Variants in FIP1L1 observed in about 807,000 individuals in gnomAD.
FIP1L1 encodes pre-mRNA 3'-end-processing factor FIP1.
FIP1L1 carries 21 observed loss-of-function variants against 84.6 expected under a neutral mutation model. The observed-to-expected ratio is 0.25, with a 90% CI of 0.18 to 0.36. The LOEUF is 0.36. Ranked by LOEUF, FIP1L1 falls within the 10% of genes least tolerant of loss-of-function variation. The probability of loss-of-function intolerance (pLI) is 1.00; values close to 1 mark genes in which losing one functional copy is unlikely to be tolerated. For synonymous variants in FIP1L1, 263 were observed against 242.3 expected (o/e 1.09, Z -0.80); for missense variants, 526 against 751.1 (o/e 0.70, Z 3.50).
rs117624690 is a variant in FIP1L1, at chr4:53,416,170, A to G, written c.923+1448A>G. Among the ~76,000 whole-genome samples the G allele has an allele frequency of 2.6e-4, 39 of 152,328 alleles. No individual in the cohort carries two copies. In the East Asian group the frequency reaches 6.6e-3, roughly 26 times the overall value. ...TCATAATTGTACTAATACAACTTCT[A>G]TGTAACAACTAACTCAATTATTGCA... is the stretch of plus-strand genomic sequence containing the variant. On this transcript the variant is annotated intron_variant, in intron 11 of 17. Coordinates refer to ENST00000337488, the MANE Select transcript of FIP1L1 (RefSeq NM_030917.4).
chr4:53,378,461 TA>T (rs1735910177), intron 1 of FIP1L1: 1 of 152,430 alleles, frequency 6.6e-6, no homozygotes, highest in African/African-American at 2.4e-5. Context: ...GCTTTAAAAA[TA>T]ATTAATTAAG....
chr4:53,440,908 G>C, intron 13 of FIP1L1: 1 of 253,198 alleles, frequency 3.9e-6, no homozygotes, highest in Non-Finnish European at 7.6e-6. Flanking sequence ...TGTCTTTACA[G>C]ACCAATGAAT....
intron 10 of FIP1L1, among the ~76,000 whole-genome samples, chr4:53,408,461 C>T (rs1003761609): frequency 3.6e-4 from 55 of 152,146 alleles, no homozygotes; most frequent in Non-Finnish European, 2.1e-4. Flanking sequence ...GTGAATCTGA[C>T]GATTATGTGT....
At chr4:53,388,660 T>C (rs1048050358) in intron 5 of FIP1L1, among the ~76,000 whole-genome samples, 1 of 152,208 alleles carries the variant, frequency 6.6e-6, no homozygotes, top group African/African-American at 2.4e-5. Context: ...TTTTGTTCAG[T>C]GGGAGTTGGT....
At chr4:53,384,763 A>G (rs1740018117) in intron 5 of FIP1L1, among the ~76,000 whole-genome samples, 1 of 152,230 alleles carries the variant, frequency 6.6e-6, no homozygotes, top group South Asian at 2.1e-4. Flanking sequence ...TTTAGTTACG[A>G]TAGGAGAATA....
chr4:53,396,986 A>G (rs369537851), intron 9 of FIP1L1, among the ~76,000 whole-genome samples: 37 of 152,352 alleles, frequency 2.4e-4, no homozygotes, highest in African/African-American at 8.4e-4. Flanking sequence ...TATGAAAGGA[A>G]AATTTTGAAC....
At chr4:53,458,986 C>T (rs1720985174) in intron 17 of FIP1L1, among the ~76,000 whole-genome samples, 196 bp downstream of exon 17, 1 of 151,994 alleles carries the variant, frequency 6.6e-6, no homozygotes, top group Non-Finnish European at 1.5e-5. Flanking sequence ...AAAAATCAAC[C>T]CTATACAGTA....
intron 10 of FIP1L1, among the ~76,000 whole-genome samples, chr4:53,401,484 G>A (rs1356288108): frequency 6.6e-6 from 1 of 152,188 alleles, no homozygotes; most frequent in African/African-American, 2.4e-5. Context: ...GGCCAGTTAG[G>A]AGGTTGCAGC....
intron 10 of FIP1L1, among the ~76,000 whole-genome samples, chr4:53,407,438 T>C (rs1412358958): frequency 1.3e-5 from 2 of 152,206 alleles, no homozygotes; most frequent in Non-Finnish European, 2.9e-5. Context: ...ATCTATGTGG[T>C]CAGTTTTGGA....
At chr4:53,442,473 T>A in intron 13 of FIP1L1, 180 bp from the exon 14 acceptor site, 1 of 559,438 alleles carries the variant, frequency 1.8e-6, no homozygotes, top group Non-Finnish European at 3.2e-6. Flanking sequence ...TTACTTAAAG[T>A]TTTATTGCGC....
intron 10 of FIP1L1, among the ~76,000 whole-genome samples, chr4:53,411,876 AATAC>A (rs1386030722): frequency 2.0e-5 from 3 of 152,186 alleles, no homozygotes; most frequent in South Asian, 2.1e-4. Flanking sequence ...CTTTTTGTGA[AATAC>A]ATACATACAG....
chr4:53,399,714 AC>A lies in FIP1L1; in HGVS notation c.706-14del. 6.6e-7 allele frequency: 1 copy of A among 1,526,256 alleles called. No individual in the cohort carries two copies. Among genetic ancestry groups the A allele is most frequent in the Non-Finnish European group, 9.0e-7 (1 of 1,105,854 alleles). The allele number at this position is 1,526,256 out of a possible 1,614,324, so 94.5% of individuals were successfully genotyped here. A position where few individuals can be genotyped will look rare whatever the true frequency, so the allele number is the denominator to read the frequency against. ...TTCTGTTAAATTCAACAAGCTAATA[AC>A]CTTTTTTTTTTAAGGTACAGCAGGG... is the stretch of plus-strand genomic sequence containing the variant. On this transcript the variant is annotated splice_polypyrimidine_tract_variant and intron_variant, in intron 9 of 17. Transcript: ENST00000337488.
At chr4:53,383,568 C>T (rs189313408) in intron 4 of FIP1L1, among the ~76,000 whole-genome samples, 4 of 151,770 alleles carry the variant, frequency 2.6e-5, no homozygotes, top group East Asian at 1.9e-4. Flanking sequence ...AGGCTGAGGC[C>T]GGAGAATTGC....
chr4:53,393,764 G>GCCCCCCCCCCC (rs35029503), intron 9 of FIP1L1, among the ~76,000 whole-genome samples: 3 of 87,948 alleles, frequency 3.4e-5, no homozygotes, highest in Non-Finnish European at 4.5e-5. Context: ...TTTCCCCCCG[G>GCCCCCCCCCCC]CCCCCCCCCC....
chr4:53,446,742 C>T (rs1211965519), intron 15 of FIP1L1, among the ~76,000 whole-genome samples: 3 of 152,112 alleles, frequency 2.0e-5, no homozygotes, highest in Non-Finnish European at 4.4e-5. Context: ...TACAGATAAA[C>T]ATGAGGAATA....
intron 13 of FIP1L1, among the ~76,000 whole-genome samples, chr4:53,430,390 C>G (rs1374332661): frequency 6.8e-6 from 1 of 146,638 alleles, no homozygotes; most frequent in Non-Finnish European, 1.5e-5. Flanking sequence ...ACTCTTTCGC[C>G]CAGGCTGGAG....
intron 11 of FIP1L1, among the ~76,000 whole-genome samples, chr4:53,424,248 G>T (rs1336602151): frequency 6.6e-6 from 1 of 152,132 alleles, no homozygotes; most frequent in Non-Finnish European, 1.5e-5. Flanking sequence ...TAGGATGTTG[G>T]AATATGAAAT....
At position 53,399,820 on chromosome 4, in the gene FIP1L1, A is replaced by G; in HGVS notation, c.796A>G (p.Thr266Ala). Residue 266 changes from threonine to alanine, a missense_variant, in exon 10 of 18, where the codon ACT becomes GCT. Around this residue, in one of 6 missense-constraint regions of FIP1L1, gnomAD observed 169 missense variants for 206.9 expected, o/e 0.82. Transcript: ENST00000337488. ...EFTSPPSLFK[T>A]GLPPSRNSTS... The stretch of plus-strand genomic sequence containing the variant: ...TACTTCTCCTCCTTCTTTGTTCAAG[A>G]CTGGGCTTCCACCGAGCAGGTTAGT... 1 of 1,612,938 alleles carries G rather than the reference A, an allele frequency of 6.2e-7. No homozygotes were observed. The highest frequency in any genetic ancestry group is 1.3e-5 in the African/African-American group (1 of 74,980).
chr4:53,392,957 A>G (rs1031523064), intron 9 of FIP1L1, among the ~76,000 whole-genome samples: 2 of 152,182 alleles, frequency 1.3e-5, no homozygotes, highest in African/African-American at 4.8e-5. Context: ...GTTTGGTAGA[A>G]ATACTGATTT....
Sources: allele counts gnomAD v4.1 joint callset (sites outside exome capture counted in the v4.1 genomes callset), GRCh38; gene constraint gnomAD v4.1.1; regional missense constraint gnomAD v4.1.1; transcripts MANE v1.5; gene names NCBI Gene and HGNC (gene_info 2026-07-23, HGNC 2026-07-21).